Variants in VGLL4 observed in about 807,000 individuals in gnomAD.
VGLL4 encodes transcription cofactor vestigial-like protein 4.
Under a neutral mutation model 21.0 loss-of-function variants are expected in VGLL4, and 7 were observed. The ratio of observed to expected loss-of-function variants is 0.33; its 90% CI spans 0.19 to 0.63. The LOEUF (loss-of-function observed/expected upper bound fraction) is 0.63. Ranked by LOEUF, VGLL4 falls within the 20% of genes least tolerant of loss-of-function variation. The pLI is 0.78. For missense variants in VGLL4, 394 were observed against 425.7 expected (o/e 0.93, Z 0.66); for synonymous variants, 222 against 173.2 (o/e 1.28, Z -2.21).
intron 2 of VGLL4, among the ~76,000 whole-genome samples, chr3:11,656,169 A>G (rs957645528): frequency 1.8e-4 from 27 of 152,156 alleles, no homozygotes; most frequent in Admixed American, 1.3e-4. Flanking sequence ...ATCCCTAAGG[A>G]GGGGAGAATA....
At chr3:11,689,427 C>T (rs929690883) in intron 2 of VGLL4, among the ~76,000 whole-genome samples, 2 of 152,182 alleles carry the variant, frequency 1.3e-5, no homozygotes, top group African/African-American at 4.8e-5. Flanking sequence ...CTCAAGCCAA[C>T]CTAGTTAACC....
chr3:11,600,263 G>C (rs183785586), intron 2 of VGLL4, among the ~76,000 whole-genome samples: 2 of 151,884 alleles, frequency 1.3e-5, no homozygotes, highest in Non-Finnish European at 2.9e-5. Context: ...GCTAAATTAA[G>C]TGACTTGTCC....
At chr3:11,566,879 G>C (rs1352572478) in intron 2 of VGLL4, among the ~76,000 whole-genome samples, 1 of 152,178 alleles carries the variant, frequency 6.6e-6, no homozygotes, top group Non-Finnish European at 1.5e-5. Flanking sequence ...GGTGCACAGA[G>C]ACTTAACGGG....
intron 1 of VGLL4, among the ~76,000 whole-genome samples, chr3:11,714,637 C>A (rs1056412525): frequency 1.1e-4 from 16 of 151,696 alleles, no homozygotes; most frequent in Non-Finnish European, 2.4e-4. Context: ...ATCTCTCTCT[C>A]TTCATTTTCA....
In VGLL4 at chr3:11,604,550, G is replaced by A. The variant is rs1313888921; in HGVS notation, c.83-2528C>T. On this transcript the variant is annotated intron_variant, in intron 1 of 4. Transcript: ENST00000430365. ...AACACTTGTATGTTAGACAAGAGTG[G>A]TAACTGTTGTATGTGTGGTGGGGTT... is the stretch of plus-strand genomic sequence containing the variant. 5 of 935,398 alleles carry A rather than the reference G, an allele frequency of 5.3e-6. 1 individual carries two copies. Among genetic ancestry groups the A allele is most frequent in the Non-Finnish European group, 6.3e-6 (5 of 790,356 alleles). 57.9% of individuals were successfully genotyped at this position (935,398 alleles called of 1,614,324 possible). A position where few individuals can be genotyped will look rare whatever the true frequency, so the allele number is the denominator to read the frequency against.
chr3:11,712,038 C>T (rs545970277), intron 1 of VGLL4, among the ~76,000 whole-genome samples: 7 of 152,322 alleles, frequency 4.6e-5, no homozygotes, highest in Admixed American at 3.3e-4. Context: ...TTCCTGTTAA[C>T]ATCCCATTCT....
chr3:11,564,620 G>T, intron 3 of VGLL4, 177 bp downstream of exon 3: 1 of 747,620 alleles, frequency 1.3e-6, no homozygotes, highest in Non-Finnish European at 2.1e-6. Flanking sequence ...CTCCTGTTCT[G>T]CTGTCCCTTG....
At chr3:11,564,136 T>C (rs1385431668) in intron 3 of VGLL4, among the ~76,000 whole-genome samples, 1 of 152,228 alleles carries the variant, frequency 6.6e-6, no homozygotes, top group Non-Finnish European at 1.5e-5. Flanking sequence ...ATTTTGAGCC[T>C]CCTCAATGCT....
In VGLL4 at chr3:11,557,246, A is replaced by T. The variant is rs1260593576; in HGVS notation, c.*1310T>A. 6.5e-6 allele frequency: 1 copy of T among 152,804 alleles called. No homozygotes were observed. Among genetic ancestry groups the T allele is most frequent in the Non-Finnish European group, 1.5e-5 (1 of 68,044 alleles). 9.5% of individuals were successfully genotyped at this position (152,804 alleles called of 1,614,324 possible). A position where few individuals can be genotyped will look rare whatever the true frequency, so the allele number is the denominator to read the frequency against. On this transcript the variant is annotated 3_prime_UTR_variant, in exon 5 of 5. Transcript: ENST00000430365. The stretch of plus-strand genomic sequence containing the variant: ...GTAGCTATTAATATAGCAAATAATA[A>T]ATGCAGTAATAACAGTATAAAGTCA...
chr3:11,702,771 T>A, intron 2 of VGLL4: 32 of 297,976 alleles, frequency 1.1e-4, no homozygotes, highest in East Asian at 1.3e-4. Flanking sequence ...CCAGTATCCA[T>A]AGTTAAGTGC....
chr3:11,661,252 G>C (rs763841567), intron 2 of VGLL4, among the ~76,000 whole-genome samples: 4 of 152,048 alleles, frequency 2.6e-5, no homozygotes, highest in Non-Finnish European at 5.9e-5. Context: ...TGGTAACGCA[G>C]AAAGAACGAT....
intron 1 of VGLL4, among the ~76,000 whole-genome samples, chr3:11,639,523 G>A (rs1405438915): frequency 1.3e-5 from 2 of 152,260 alleles, no homozygotes; most frequent in African/African-American, 2.4e-5. Flanking sequence ...GTGCTAGGCC[G>A]TGAGGGCACC....
chr3:11,570,046 G>A (rs896665395), intron 2 of VGLL4, among the ~76,000 whole-genome samples: 1 of 152,012 alleles, frequency 6.6e-6, no homozygotes, highest in Admixed American at 6.6e-5. Flanking sequence ...GAATAATATA[G>A]ACAGAACTTC....
chr3:11,678,093 G>A (rs558721691), intron 2 of VGLL4, among the ~76,000 whole-genome samples: 22 of 151,756 alleles, frequency 1.4e-4, no homozygotes, highest in South Asian at 2.1e-4. Flanking sequence ...TCACTCTGTC[G>A]CCCAGGCTAG....
chr3:11,674,929 G>A (rs1031825272), intron 2 of VGLL4, among the ~76,000 whole-genome samples: 4 of 152,204 alleles, frequency 2.6e-5, no homozygotes, highest in African/African-American at 9.6e-5. Flanking sequence ...TTCAGAAAGT[G>A]TAGTCTTAAA....
chr3:11,597,737 A>G (rs2442774), intron 2 of VGLL4, among the ~76,000 whole-genome samples: 150,464 of 152,230 alleles, frequency 0.99, 74,365 homozygotes, highest in East Asian at 1. Flanking sequence ...GATTTGCCCC[A>G]TCTCCTGGAC....
intron 2 of VGLL4, among the ~76,000 whole-genome samples, chr3:11,583,408 G>C (rs989262630): frequency 2.0e-5 from 3 of 152,178 alleles, no homozygotes; most frequent in Non-Finnish European, 4.4e-5. Flanking sequence ...TAGCAACAGT[G>C]TCCATAACAT....
intron 2 of VGLL4, among the ~76,000 whole-genome samples, chr3:11,585,404 G>A (rs2074338683): frequency 6.6e-6 from 1 of 150,912 alleles, no homozygotes; most frequent in South Asian, 2.1e-4. Context: ...CTGCACTCCA[G>A]CCTGGGTGGC....
rs1261603757 is a variant in VGLL4, at chr3:11,568,704, G to A, written c.273-3685C>T. 2 of 1,549,528 alleles carry A rather than the reference G, an allele frequency of 1.3e-6. No individual in the cohort carries two copies. The highest frequency in any genetic ancestry group is 1.7e-6 in the Non-Finnish European group (2 of 1,146,274). On this transcript the variant is annotated intron_variant, in intron 2 of 4. Coordinates refer to ENST00000430365, the MANE Select transcript of VGLL4 (RefSeq NM_001128219.3). The surrounding 1 kb of genome is among the most constrained non-coding windows in gnomAD (Gnocchi z 5.9). ...ATCACCTCCCGGCCACTGCTTCCCAGGCGTCATGTGCTCCCGGGGACGGCA... is the reference window on the plus strand; with the variant it reads ...ATCACCTCCCGGCCACTGCTTCCCAAGCGTCATGTGCTCCCGGGGACGGCA...
Sources: allele counts gnomAD v4.1 joint callset (sites outside exome capture counted in the v4.1 genomes callset), GRCh38; gene constraint gnomAD v4.1.1; non-coding constraint Gnocchi (gnomAD v3.1); transcripts MANE v1.5; gene names NCBI Gene and HGNC (gene_info 2026-07-23, HGNC 2026-07-21).